ZNF2: variants seen among roughly 807,000 people sequenced by gnomAD.
ZNF2 encodes the protein zinc finger protein 2.
In ZNF2, 12 loss-of-function variants were observed where a neutral mutation model predicts 21.9. That is an observed-to-expected ratio of 0.55 (90% confidence interval 0.35 to 0.89). The LOEUF (loss-of-function observed/expected upper bound fraction) is 0.89, where lower values mean the gene tolerates loss of function less well. Among genes scored for constraint, ZNF2 ranks in the 40% least tolerant of loss-of-function variants. The pLI is 0.01. For synonymous variants in ZNF2, 186 were observed against 196.3 expected, an observed-to-expected ratio of 0.95 and a Z score of 0.44; for missense variants, 462 against 544.2, an observed-to-expected ratio of 0.85 and a Z score of 1.50.
intron 1 of ZNF2, among the ~76,000 whole-genome samples, chr2:95,172,853 T>C (rs1405425948): frequency 6.6e-6 from 1 of 152,070 alleles, no homozygotes; most frequent in Non-Finnish European, 1.5e-5. Flanking sequence ...GCCAAGCTGG[T>C]CTTGAACTCC....
At chr2:95,167,865 G>C (rs886881367) in intron 1 of ZNF2, among the ~76,000 whole-genome samples, 2 of 149,258 alleles carry the variant, frequency 1.3e-5, no homozygotes, top group African/African-American at 4.9e-5. Flanking sequence ...AAAAAAAAAA[G>C]TAGTTTTCAA....
In ZNF2 at chr2:95,181,558, C is replaced by T. The variant is rs771354181; in HGVS notation, c.730C>T (p.Leu244=). ...CSKAFFDRSS[L]TVHQRIHTGE... is the part of the protein sequence containing the mutation. ...AAAAGCCTTCTTTGACCGTTCGTCC[C>T]TAACTGTCCATCAGCGAATTCACAC... The change falls in exon 5 of 5, where the codon CTA becomes TTA. Residue 244 remains leucine, a synonymous_variant. Coordinates refer to ENST00000614034, the MANE Select transcript of ZNF2 (RefSeq NM_021088.4). 6.2e-7 allele frequency: 1 copy of T among 1,614,070 alleles called. No individual in the cohort carries two copies. The highest frequency in any genetic ancestry group is 1.3e-5 in the African/African-American group (1 of 74,914).
chr2:95,166,800 G>A (rs1674060201), intron 1 of ZNF2, among the ~76,000 whole-genome samples: 1 of 152,190 alleles, frequency 6.6e-6, no homozygotes, highest in African/African-American at 2.4e-5. Context: ...CAAATGTAAA[G>A]CCAGGAAGAG....
At chr2:95,173,625 C>T (rs565932823) in intron 1 of ZNF2, among the ~76,000 whole-genome samples, 88 of 152,274 alleles carry the variant, frequency 5.8e-4, no homozygotes, top group Middle Eastern at 6.8e-3. Context: ...GTTAAATTAG[C>T]CTTATAAAAA....
chr2:95,166,202 C>G (rs1383850587), intron 1 of ZNF2, among the ~76,000 whole-genome samples: 2 of 151,630 alleles, frequency 1.3e-5, no homozygotes, highest in African/African-American at 2.4e-5. Context: ...TGCTGCCGCT[C>G]CGTCTTTGCC....
In ZNF2 at chr2:95,183,679, G is replaced by T. The variant is rs1674762478; in HGVS notation, c.*1573G>T. The T allele has an allele frequency of 2.8e-5, 4 of 141,078 alleles. No individual in the cohort carries two copies. In the Admixed American group the frequency reaches 3.0e-4, roughly 11 times the overall value. 8.7% of individuals were successfully genotyped at this position (141,078 alleles called of 1,614,324 possible). On this transcript the variant is annotated 3_prime_UTR_variant, in exon 5 of 5. Transcript: ENST00000614034. Reference sequence around the variant, plus strand: ...TCTGTCACCCAGGTTGGAATGCAATGGCACAATCTCCGCTCACTGCAAGCT... The same window carrying T: ...TCTGTCACCCAGGTTGGAATGCAATTGCACAATCTCCGCTCACTGCAAGCT...
chr2:95,177,441 G>T, intron 2 of ZNF2, 42 bp from the exon 3 acceptor site: 1 of 1,598,070 alleles, frequency 6.3e-7, no homozygotes, highest in Non-Finnish European at 8.5e-7. Flanking sequence ...TCCAAGTAAA[G>T]AGAAGGATTA....
In ZNF2 at chr2:95,182,265, T is replaced by C. The variant is rs1674703443; in HGVS notation, c.*159T>C. 2.1e-6 allele frequency: 2 copies of C among 943,408 alleles called. No homozygotes were observed. Among genetic ancestry groups the C allele is most frequent in the South Asian group, 1.8e-5 (1 of 56,036 alleles). 58.4% of individuals were successfully genotyped at this position (943,408 alleles called of 1,614,324 possible). A position where few individuals can be genotyped will look rare whatever the true frequency, so the allele number is the denominator to read the frequency against. On this transcript the variant is annotated 3_prime_UTR_variant, in exon 5 of 5. Coordinates refer to ENST00000614034, the MANE Select transcript of ZNF2 (RefSeq NM_021088.4). ...TTTAATAAGCACTCCCTTCCTGCTG[T>C]GTTATAGAACTGTAGGGGAGGCCAT... is the stretch of plus-strand genomic sequence containing the variant.
intron 3 of ZNF2, among the ~76,000 whole-genome samples, chr2:95,179,617 T>A (rs1003317588): frequency 1.3e-5 from 2 of 152,164 alleles, no homozygotes; most frequent in Admixed American, 1.3e-4. Context: ...AACACGTGAA[T>A]CTACACGGGT....
chr2:95,166,484 G>T (rs1475652926), intron 1 of ZNF2, among the ~76,000 whole-genome samples: 3 of 152,168 alleles, frequency 2.0e-5, no homozygotes, highest in Non-Finnish European at 2.9e-5. Context: ...CAGTAGGCAA[G>T]GTGGCTTATA....
At chr2:95,178,550 CAG>C (rs1453213399) in intron 3 of ZNF2, among the ~76,000 whole-genome samples, 9 of 152,262 alleles carry the variant, frequency 5.9e-5, no homozygotes, top group African/African-American at 1.7e-4. Context: ...GTTTTGTCAA[CAG>C]AGAATCCACA....
chr2:95,176,823 G>A (rs1297014494), intron 2 of ZNF2, among the ~76,000 whole-genome samples: 2 of 152,126 alleles, frequency 1.3e-5, no homozygotes, highest in Admixed American at 1.3e-4. Context: ...AGAACTGAAG[G>A]TAAAGAGATG....
chr2:95,177,545 C>A lies in ZNF2; in HGVS notation c.96C>A (p.Val32=), dbSNP rs1163463389. Residue 32 remains valine (V), a synonymous_variant, in exon 3 of 5, where the codon GTC becomes GTA. Coordinates refer to ENST00000614034, the MANE Select transcript of ZNF2 (RefSeq NM_021088.4). ...VFTDEEWSRL[V]PIQRDLYKEV... Reference sequence around the variant, plus strand: ...CAGATGAAGAGTGGAGTCGTCTGGTCCCCATACAGAGGGACCTCTACAAGG... The same window carrying A: ...CAGATGAAGAGTGGAGTCGTCTGGTACCCATACAGAGGGACCTCTACAAGG... 1 of 1,614,048 alleles carries A rather than the reference C, an allele frequency of 6.2e-7. No individual in the cohort carries two copies.
Position 95,181,185 on chromosome 2 carries a change from T to A in ZNF2, c.357T>A (p.Ser119Arg). Reference sequence around the variant, plus strand: ...TGAGGGAATGCCTTGGAAGGCAAAGTCCTCTGTGTCCTAAATTTGAAGTTC... The same window carrying A: ...TGAGGGAATGCCTTGGAAGGCAAAGACCTCTGTGTCCTAAATTTGAAGTTC... ...GSLRECLGRQSPLCPKFEVHT... is the reference protein window; with the variant it reads ...GSLRECLGRQRPLCPKFEVHT... Residue 119 changes from serine to arginine, a missense_variant, in exon 5 of 5, where the codon AGT becomes AGA. Transcript: ENST00000614034. 1 of 1,614,154 alleles carries A rather than the reference T, an allele frequency of 6.2e-7. No homozygotes were observed. Among genetic ancestry groups the A allele is most frequent in the Non-Finnish European group, 8.5e-7 (1 of 1,180,028 alleles).
intron 1 of ZNF2, among the ~76,000 whole-genome samples, chr2:95,172,483 GAAGA>G (rs963260463): frequency 6.6e-6 from 1 of 152,008 alleles, no homozygotes; most frequent in African/African-American, 2.4e-5. Flanking sequence ...AAAAATATAT[GAAGA>G]ATGGTAAGAA....
At chr2:95,171,830 A>T (rs1674282431) in intron 1 of ZNF2, among the ~76,000 whole-genome samples, 1 of 152,176 alleles carries the variant, frequency 6.6e-6, no homozygotes. Context: ...ATCACACCAC[A>T]GCCACTCAGT....
At chr2:95,168,116 T>C (rs942588605) in intron 1 of ZNF2, among the ~76,000 whole-genome samples, 1 of 146,854 alleles carries the variant, frequency 6.8e-6, no homozygotes, top group Admixed American at 6.8e-5. Context: ...GGGTGGAAAA[T>C]GCTGGAAGAA....
At chr2:95,173,751 C>T (rs748416771) in intron 1 of ZNF2, among the ~76,000 whole-genome samples, 5 of 152,196 alleles carry the variant, frequency 3.3e-5, no homozygotes, top group Non-Finnish European at 7.3e-5. Context: ...GCTCTGTCGC[C>T]AGGCTGGAGT....
rs1558717407 is a variant in ZNF2 at position 95,181,897 on chromosome 2, A to T, written c.1069A>T (p.Thr357Ser). The change falls in exon 5 of 5, where the codon ACA becomes TCA. Residue 357 changes from threonine to serine, a missense_variant. Coordinates refer to ENST00000614034, the MANE Select transcript of ZNF2 (RefSeq NM_021088.4). ...AGCTTTCTTTGACCGCTCATCCCTT[A>T]CACAGCATCAGAAGATCCACACTGG... ...GKAFFDRSSL[T>S]QHQKIHTGDK... 1.9e-6 allele frequency: 3 copies of T among 1,614,108 alleles called. No homozygotes were observed. The highest frequency in any genetic ancestry group is 3.3e-5 in the Admixed American group (2 of 60,010).
Sources: gnomAD v4.1 joint callset for allele counts (sites outside exome capture counted in the v4.1 genomes callset) on GRCh38, gnomAD v4.1.1 for gene constraint, MANE v1.5 for transcripts, NCBI Gene and HGNC (gene_info 2026-07-23, HGNC 2026-07-21) for gene names.